GRK4: variants seen among roughly 807,000 people sequenced by gnomAD.
The protein encoded by GRK4 is G protein-coupled receptor kinase 4.
A neutral mutation model predicts 77.9 loss-of-function variants in GRK4; 73 were observed. That is an observed-to-expected ratio of 0.94 (90% CI 0.78 to 1.14). GRK4 has a LOEUF of 1.14. Among genes scored for constraint, GRK4 ranks in the 50% most tolerant of loss-of-function variants. The pLI, the probability that GRK4 is intolerant of heterozygous loss-of-function variation, is 0.00. For missense variants in GRK4, 729 were observed against 700.2 expected, an observed-to-expected ratio of 1.04 and a Z score of -0.46; for synonymous variants, 257 against 254.4, an observed-to-expected ratio of 1.01 and a Z score of -0.10.
chr4:3,002,041 G>T (rs1560426614), intron 4 of GRK4, among the ~76,000 whole-genome samples: 2 of 152,166 alleles, frequency 1.3e-5, no homozygotes, highest in Non-Finnish European at 2.9e-5. Flanking sequence ...CACTGTGAGT[G>T]GGAATACAGA....
At chr4:2,978,052 C>T (rs1285361503) in intron 1 of GRK4, among the ~76,000 whole-genome samples, 1 of 152,194 alleles carries the variant, frequency 6.6e-6, no homozygotes, top group Non-Finnish European at 1.5e-5. Context: ...GACTATATCT[C>T]TTTTGACAAT....
rs1738838687 is a variant in GRK4 at position 3,030,481 on chromosome 4, C to A, written c.1269+1072C>A. 2.0e-5 allele frequency among the ~76,000 whole-genome samples: 3 copies of A among 152,180 alleles called. No individual in the cohort carries two copies. In the South Asian group the frequency reaches 6.2e-4, roughly 32 times the overall value. ...TATTGAGCATCTTGTATGTTCCAGGCACCGTCCTAGGCATTGGGGGAAACA... is the reference window on the plus strand; with the variant it reads ...TATTGAGCATCTTGTATGTTCCAGGAACCGTCCTAGGCATTGGGGGAAACA... On this transcript the variant is annotated intron_variant, in intron 12 of 15. Coordinates refer to ENST00000398052, the MANE Select transcript of GRK4 (RefSeq NM_182982.3).
At chr4:2,978,968 G>A (rs1721991294) in intron 1 of GRK4, among the ~76,000 whole-genome samples, 2 of 152,174 alleles carry the variant, frequency 1.3e-5, no homozygotes, top group South Asian at 2.1e-4. Flanking sequence ...GGTGACTCAC[G>A]CCTGTGATCC....
chr4:3,037,954 A>G (rs978052534), intron 14 of GRK4, among the ~76,000 whole-genome samples: 4 of 151,386 alleles, frequency 2.6e-5, no homozygotes, highest in Non-Finnish European at 5.9e-5. Context: ...AAGACTTTTG[A>G]CCACAGGACT....
At chr4:3,030,593 G>A (rs1459844232) in intron 12 of GRK4, among the ~76,000 whole-genome samples, 2 of 152,116 alleles carry the variant, frequency 1.3e-5, no homozygotes, top group Non-Finnish European at 2.9e-5. Context: ...CTGTGGGGAG[G>A]ACCCGCACTC....
intron 1 of GRK4, chr4:2,965,326 T>G (rs1276961115): frequency 8.5e-6 from 6 of 703,054 alleles, no homozygotes; most frequent in Non-Finnish European, 1.6e-5. Context: ...ATCCTCTGTC[T>G]CGGACCTCAT....
At chr4:2,990,317 C>T (rs1035596797) in intron 3 of GRK4, among the ~76,000 whole-genome samples, 2 of 134,664 alleles carry the variant, frequency 1.5e-5, no homozygotes, top group African/African-American at 2.9e-5. Context: ...AGTGCTATGG[C>T]GTGATCCCAG....
chr4:2,978,565 C>T (rs1389776501), intron 1 of GRK4, among the ~76,000 whole-genome samples: 1 of 152,190 alleles, frequency 6.6e-6, no homozygotes, highest in Non-Finnish European at 1.5e-5. Context: ...GGCTCAAAAT[C>T]GTAGTTGGCA....
At chr4:2,988,869 C>G in intron 3 of GRK4, 30 bp downstream of exon 3, 1 of 1,310,608 alleles carries the variant, frequency 7.6e-7, no homozygotes, top group Non-Finnish European at 1.1e-6. Context: ...ATTGAGCAAC[C>G]ACCCAATCTT....
At chr4:3,026,269 AG>A in intron 10 of GRK4, among the ~76,000 whole-genome samples, 1 of 152,308 alleles carries the variant, frequency 6.6e-6, no homozygotes, top group Middle Eastern at 3.4e-3. Flanking sequence ...CAGCAGACCG[AG>A]TTCTCGAACT....
intron 12 of GRK4, among the ~76,000 whole-genome samples, chr4:3,034,075 A>G (rs1208460125): frequency 2.0e-5 from 3 of 152,210 alleles, no homozygotes; most frequent in African/African-American, 7.2e-5. Context: ...CATTCTCAGC[A>G]AGAAATACTT....
At chr4:2,964,270 T>C in intron 1 of GRK4, 148 bp downstream of exon 1, 1 of 749,294 alleles carries the variant, frequency 1.3e-6, no homozygotes, top group Non-Finnish European at 2.2e-6. Context: ...AACCCAGATC[T>C]GCACGGAGCC....
chr4:2,964,094 C>G lies in GRK4; in HGVS notation c.24C>G (p.Ala8=). The G allele has an allele frequency of 6.2e-7, 1 of 1,608,448 alleles. No individual in the cohort carries two copies. Among genetic ancestry groups the G allele is most frequent in the Non-Finnish European group, 8.5e-7 (1 of 1,178,890 alleles). ...ACATGGAGCTCGAGAACATCGTGGC[C>G]AACTCGCTGCTGCTGAAAGCGCGTC... MELENIV[A]NSLLLKARQG... is the part of the protein sequence containing the mutation. Residue 8 remains alanine, a synonymous_variant, in exon 1 of 16, where the codon GCC becomes GCG. Transcript: ENST00000398052.
chr4:2,992,719 G>A (rs557918309), intron 4 of GRK4, among the ~76,000 whole-genome samples: 2 of 152,172 alleles, frequency 1.3e-5, no homozygotes, highest in East Asian at 3.9e-4. Context: ...AGTGTTTCAT[G>A]CCTGTAATCT....
At chr4:3,009,241 T>G (rs1308299209) in intron 6 of GRK4, among the ~76,000 whole-genome samples, 1 of 151,788 alleles carries the variant, frequency 6.6e-6, no homozygotes, top group African/African-American at 2.4e-5. Context: ...GTAAACATGG[T>G]GAAAACCCGT....
At chr4:2,971,723 G>C (rs926968903) in intron 1 of GRK4, among the ~76,000 whole-genome samples, 4 of 152,248 alleles carry the variant, frequency 2.6e-5, no homozygotes, top group African/African-American at 9.6e-5. Context: ...AGTTGTGAGT[G>C]GAGCTGGTTC....
At chr4:3,028,709 TGTAATA>T (rs1738295779) in intron 11 of GRK4, among the ~76,000 whole-genome samples, 1 of 152,212 alleles carries the variant, frequency 6.6e-6, no homozygotes, top group African/African-American at 2.4e-5. Context: ...GTTTGAAGTG[TGTAATA>T]CAACGGATTT....
chr4:2,993,422 C>T (rs552877798), intron 4 of GRK4, among the ~76,000 whole-genome samples: 3 of 152,050 alleles, frequency 2.0e-5, no homozygotes, highest in East Asian at 3.9e-4. Flanking sequence ...GCCTGTAACC[C>T]CAGCACTTTG....
chr4:3,011,982 C>T (rs1416085777), intron 7 of GRK4, among the ~76,000 whole-genome samples: 1 of 152,178 alleles, frequency 6.6e-6, no homozygotes, highest in East Asian at 1.9e-4. Flanking sequence ...CTTCCAGCAG[C>T]GTGATCTTGG....
Sources: allele counts gnomAD v4.1 joint callset (sites outside exome capture counted in the v4.1 genomes callset), GRCh38; gene constraint gnomAD v4.1.1; transcripts MANE v1.5; gene names NCBI Gene and HGNC (gene_info 2026-07-23, HGNC 2026-07-21).